RANBP2: variants seen among roughly 807,000 people sequenced by gnomAD.
RANBP2 encodes RAN binding protein 2.
A neutral mutation model predicts 303.6 loss-of-function variants in RANBP2; 57 were observed. The observed-to-expected ratio is 0.19, with a 90% confidence interval of 0.15 to 0.23. The LOEUF (loss-of-function observed/expected upper bound fraction) is 0.23. Ranked by LOEUF, RANBP2 falls within the 10% of genes least tolerant of loss-of-function variation. RANBP2 has a pLI of 1.00. For missense variants in RANBP2, 3,138 were observed against 3,780.8 expected, an observed-to-expected ratio of 0.83 and a Z score of 4.46; for synonymous variants, 1,167 against 1,301.5, an observed-to-expected ratio of 0.90 and a Z score of 2.23.
chr2:109,467,177 C>T, the RANBP2 span, among the ~76,000 whole-genome samples: 1 of 152,356 alleles, frequency 6.6e-6, no homozygotes, highest in South Asian at 2.1e-4. Context: ...CACAAAGGCT[C>T]CTGCATGAGG....
chr2:108,775,957 A>C, intron 24 of RANBP2, 21 bp downstream of exon 24: 4 of 1,586,802 alleles, frequency 2.5e-6, no homozygotes, highest in Non-Finnish European at 3.4e-6. Context: ...ATATATGTTT[A>C]TCATGTGTTA....
chr2:109,312,028 C>CATT, the RANBP2 span, among the ~76,000 whole-genome samples: 1 of 128,866 alleles, frequency 7.8e-6, no homozygotes, highest in African/African-American at 3.7e-5. Flanking sequence ...CTGACTTGAG[C>CATT]GTTGTGGCCG....
chr2:109,219,744 A>G, the RANBP2 span, among the ~76,000 whole-genome samples: 1 of 152,224 alleles, frequency 6.6e-6, no homozygotes, highest in Non-Finnish European at 1.5e-5. Flanking sequence ...AAGAGGTGAA[A>G]GATTGGCACA....
the RANBP2 span, among the ~76,000 whole-genome samples, chr2:109,472,901 T>C: frequency 6.6e-6 from 1 of 152,202 alleles, no homozygotes; most frequent in East Asian, 1.9e-4. Flanking sequence ...CAGCCTCTTA[T>C]TTCTGTCTGT....
At chr2:108,978,283 A>G in the RANBP2 span, among the ~76,000 whole-genome samples, 1 of 152,332 alleles carries the variant, frequency 6.6e-6, no homozygotes, top group East Asian at 1.9e-4. Context: ...AAGGGGTTAA[A>G]TACACCATCC....
the RANBP2 span, among the ~76,000 whole-genome samples, chr2:109,465,540 C>G: frequency 6.6e-6 from 1 of 152,184 alleles, no homozygotes; most frequent in Admixed American, 6.5e-5. Flanking sequence ...ATGTAGTGGT[C>G]TCTCATTGTT....
At chr2:109,609,987 C>G in the RANBP2 span, among the ~76,000 whole-genome samples, 3 of 152,072 alleles carry the variant, frequency 2.0e-5, no homozygotes, top group East Asian at 5.8e-4. Flanking sequence ...TGATGCAATT[C>G]CTAATAAGGA....
the RANBP2 span, chr2:109,614,877 C>A: frequency 7.0e-7 from 1 of 1,425,192 alleles, no homozygotes; most frequent in Non-Finnish European, 9.1e-7. Context: ...GCTCCCTGGA[C>A]AGGGCCGCGA....
the RANBP2 span, among the ~76,000 whole-genome samples, chr2:109,498,400 G>A: frequency 4.2e-4 from 64 of 152,302 alleles, no homozygotes; most frequent in African/African-American, 1.5e-3. Context: ...AGCTGGGCCT[G>A]TGTGCCCAGG....
At chr2:109,390,395 T>C in the RANBP2 span, among the ~76,000 whole-genome samples, 6 of 152,144 alleles carry the variant, frequency 3.9e-5, no homozygotes, top group Non-Finnish European at 7.4e-5. Flanking sequence ...CCTGGTACTT[T>C]TATGGACTTG....
At chr2:109,616,109 A>G in the RANBP2 span, 1 of 1,448,566 alleles carries the variant, frequency 6.9e-7, no homozygotes, top group Non-Finnish European at 9.1e-7. Flanking sequence ...ATTTGTCTTA[A>G]TAAATTGAAT....
the RANBP2 span, among the ~76,000 whole-genome samples, chr2:109,588,330 AAG>A: frequency 5.3e-5 from 8 of 152,174 alleles, no homozygotes; most frequent in African/African-American, 1.7e-4. Flanking sequence ...GGGTAAATGT[AAG>A]AGAGGTTTTT....
chr2:109,661,392 G>A, the RANBP2 span, among the ~76,000 whole-genome samples: 20 of 152,072 alleles, frequency 1.3e-4, no homozygotes, highest in South Asian at 2.5e-3. Flanking sequence ...GATTACAGGC[G>A]CTTGCCACCA....
chr2:108,723,342 C>T lies in RANBP2; in HGVS notation c.72+3664C>T, dbSNP rs1168685142. Among the ~76,000 whole-genome samples the T allele has an allele frequency of 1.6e-4, 24 of 150,540 alleles. 1 individual carries two copies. Among genetic ancestry groups the T allele is most frequent in the Admixed American group, 6.6e-4 (10 of 15,100 alleles). Reference sequence around the variant, plus strand: ...TCGTCCAGGCTGGAGTGCAGTGGCGCGATCTCGGCTCACTGCAAACTCTGC... The same window carrying T: ...TCGTCCAGGCTGGAGTGCAGTGGCGTGATCTCGGCTCACTGCAAACTCTGC... On this transcript the variant is annotated intron_variant, in intron 1 of 28. Coordinates refer to ENST00000283195, the MANE Select transcript of RANBP2 (RefSeq NM_006267.5).
the RANBP2 span, among the ~76,000 whole-genome samples, chr2:109,190,832 T>A: frequency 6.6e-6 from 1 of 151,982 alleles, no homozygotes; most frequent in Non-Finnish European, 1.5e-5. Flanking sequence ...GAGTGTTCAA[T>A]TCAGAAAACA....
At chr2:109,624,902 G>A in the RANBP2 span, among the ~76,000 whole-genome samples, 4 of 151,808 alleles carry the variant, frequency 2.6e-5, no homozygotes, top group African/African-American at 9.7e-5. Flanking sequence ...CCAACATGGC[G>A]AAACCCCGTC....
At chr2:108,749,732 T>C (rs1462513193) in intron 9 of RANBP2, among the ~76,000 whole-genome samples, 5 of 152,072 alleles carry the variant, frequency 3.3e-5, no homozygotes, top group Admixed American at 2.6e-4. Flanking sequence ...GCTGGTACCA[T>C]AGGCACATGC....
chr2:108,966,027 G>A, the RANBP2 span, among the ~76,000 whole-genome samples: 1 of 152,166 alleles, frequency 6.6e-6, no homozygotes. Flanking sequence ...AACTGGGGCT[G>A]TTAATACCAC....
chr2:109,250,993 T>C, the RANBP2 span, among the ~76,000 whole-genome samples: 77 of 152,146 alleles, frequency 5.1e-4, no homozygotes, highest in African/African-American at 1.8e-3. Flanking sequence ...TTCAAATTAT[T>C]AATATTTTTA....
Sources: gnomAD v4.1 joint callset for allele counts (sites outside exome capture counted in the v4.1 genomes callset) on GRCh38, gnomAD v4.1.1 for gene constraint, MANE v1.5 for transcripts, NCBI Gene and HGNC (gene_info 2026-07-23, HGNC 2026-07-21) for gene names.